The following DENND2C variants were observed in gnomAD, a reference collection of about 807,000 sequenced individuals.
The protein encoded by DENND2C is DENN domain containing 2C.
A neutral mutation model predicts 112.4 loss-of-function variants in DENND2C; 72 were observed. That is an observed-to-expected ratio of 0.64 (90% CI 0.53 to 0.78). DENND2C has a LOEUF of 0.78. Among genes scored for constraint, DENND2C ranks in the 30% least tolerant of loss-of-function variants. DENND2C has a pLI of 0.00. For synonymous variants in DENND2C, 329 were observed against 381.6 expected (o/e 0.86, Z 1.61); for missense variants, 992 against 1,113.8 (o/e 0.89, Z 1.56).
At chr1:114,655,242 T>C (rs1278690168) in intron 1 of DENND2C, among the ~76,000 whole-genome samples, 1 of 152,192 alleles carries the variant, frequency 6.6e-6, no homozygotes, top group Non-Finnish European at 1.5e-5. Flanking sequence ...TCTATATACC[T>C]TTCACTACAC....
At chr1:114,613,305 A>T (rs1217819832) in intron 8 of DENND2C, among the ~76,000 whole-genome samples, 3 of 152,222 alleles carry the variant, frequency 2.0e-5, no homozygotes, top group African/African-American at 7.2e-5. Flanking sequence ...TGTGTAGAAA[A>T]TGTATTTGCG....
At chr1:114,634,532 C>T (rs1656592338) in intron 3 of DENND2C, among the ~76,000 whole-genome samples, 2 of 151,982 alleles carry the variant, frequency 1.3e-5, no homozygotes, top group African/African-American at 2.4e-5. Flanking sequence ...CACCAATAGA[C>T]CATATGTTGG....
Position 114,583,948 on chromosome 1 carries a change from G to A in DENND2C, c.*1652C>T, listed in dbSNP as rs1654974350. The A allele has an allele frequency of 1.3e-5, 2 of 152,012 alleles. No individual in the cohort carries two copies. The highest frequency in any genetic ancestry group is 1.3e-4 in the Admixed American group (2 of 15,260). 9.4% of individuals were successfully genotyped at this position (152,012 alleles called of 1,614,324 possible). A position where few individuals can be genotyped will look rare whatever the true frequency, so the allele number is the denominator to read the frequency against. On this transcript the variant is annotated 3_prime_UTR_variant, in exon 21 of 21. Transcript: ENST00000393274. ...AGATATTAAAGGTCTGGATGACTAAGTGGTATATGTTCAAGGAATGTTCAT... is the reference window on the plus strand; with the variant it reads ...AGATATTAAAGGTCTGGATGACTAAATGGTATATGTTCAAGGAATGTTCAT...
chr1:114,594,384 G>T (rs1268992045), intron 18 of DENND2C, 89 bp downstream of exon 18: 1 of 1,074,404 alleles, frequency 9.3e-7, no homozygotes, highest in African/African-American at 1.6e-5. Context: ...ATGCTACTTT[G>T]GTATATCCTT....
In DENND2C at chr1:114,669,997, A is replaced by T; in HGVS notation, c.-588T>A. On this transcript the variant is annotated 5_prime_UTR_variant, in exon 1 of 21. It adds an upstream start codon to the 5' untranslated region. Coordinates refer to ENST00000393274, the MANE Select transcript of DENND2C (RefSeq NM_001256404.2). ...CCGACTCTTACCTGTCTGTACCTCAACGTTGTCTCCTGTGGCCAAGCTAGT... is the reference window on the plus strand; with the variant it reads ...CCGACTCTTACCTGTCTGTACCTCATCGTTGTCTCCTGTGGCCAAGCTAGT... The T allele has an allele frequency of 6.6e-6, 1 of 152,370 alleles. No homozygotes were observed. Among genetic ancestry groups the T allele is most frequent in the African/African-American group, 2.4e-5 (1 of 41,422 alleles). 9.4% of individuals were successfully genotyped at this position (152,370 alleles called of 1,614,324 possible).
At chr1:114,610,898 G>A (rs1655798430) in intron 9 of DENND2C, among the ~76,000 whole-genome samples, 175 bp downstream of exon 9, 1 of 152,120 alleles carries the variant, frequency 6.6e-6, no homozygotes, top group African/African-American at 2.4e-5. Context: ...ACATCTGACA[G>A]TGTTTAATTC....
At chr1:114,661,196 A>G (rs1164712177) in intron 1 of DENND2C, among the ~76,000 whole-genome samples, 1 of 152,048 alleles carries the variant, frequency 6.6e-6, no homozygotes, top group Non-Finnish European at 1.5e-5. Context: ...CAGCGACCCC[A>G]TCGATTTGGA....
intron 4 of DENND2C, among the ~76,000 whole-genome samples, chr1:114,624,175 T>C (rs1233781391): frequency 1.3e-5 from 2 of 152,234 alleles, no homozygotes. Context: ...GCCAATCACA[T>C]TCATGTTCTT....
At chr1:114,618,329 A>T in intron 8 of DENND2C, 57 bp downstream of exon 8, 1 of 1,283,894 alleles carries the variant, frequency 7.8e-7, no homozygotes, top group Non-Finnish European at 1.1e-6. Context: ...TTATATGGTG[A>T]TTCTCCTCTC....
chr1:114,663,984 G>A (rs182927554), intron 1 of DENND2C, among the ~76,000 whole-genome samples: 247 of 135,868 alleles, frequency 1.8e-3, no homozygotes, highest in African/African-American at 6.8e-3. Flanking sequence ...TGTCACCCAA[G>A]CTGGAGTGCA....
At chr1:114,628,136 T>A (rs1331248937) in intron 3 of DENND2C, among the ~76,000 whole-genome samples, 1 of 151,568 alleles carries the variant, frequency 6.6e-6, no homozygotes, top group Non-Finnish European at 1.5e-5. Flanking sequence ...TGAGACTTCA[T>A]CTCTACTAAA....
At chr1:114,622,176 C>T (rs1477106314) in intron 6 of DENND2C, 111 bp from the exon 7 acceptor site, 30 of 1,128,736 alleles carry the variant, frequency 2.7e-5, no homozygotes, top group South Asian at 2.0e-4. Context: ...TGCAGTGGCA[C>T]GATCATGGCT....
intron 6 of DENND2C, 101 bp downstream of exon 6, chr1:114,622,886 C>G: frequency 1.4e-6 from 1 of 728,630 alleles, no homozygotes; most frequent in Non-Finnish European, 2.0e-6. Context: ...ACTTACATTT[C>G]AGTGCCTCTT....
intron 2 of DENND2C, among the ~76,000 whole-genome samples, chr1:114,653,602 T>C (rs1025816281): frequency 3.3e-5 from 5 of 152,188 alleles, no homozygotes; most frequent in Admixed American, 2.6e-4. Context: ...ACAAGTTATT[T>C]ACTTTTTATT....
intron 3 of DENND2C, among the ~76,000 whole-genome samples, chr1:114,629,633 C>G (rs1161625483): frequency 1.3e-5 from 2 of 152,186 alleles, no homozygotes; most frequent in African/African-American, 4.8e-5. Context: ...GACTCTTAAT[C>G]ATGTCCCTTT....
intron 4 of DENND2C, among the ~76,000 whole-genome samples, chr1:114,624,013 G>T (rs868621757): frequency 6.6e-6 from 1 of 152,296 alleles, no homozygotes; most frequent in South Asian, 2.1e-4. Flanking sequence ...TAGGATTACA[G>T]AAAATTCTAA....
At chr1:114,650,782 A>G (rs543570431) in intron 2 of DENND2C, among the ~76,000 whole-genome samples, 114 of 152,334 alleles carry the variant, frequency 7.5e-4, no homozygotes, top group African/African-American at 2.6e-3. Flanking sequence ...TTCATTCTAA[A>G]GCTTAAAATC....
chr1:114,647,720 C>G (rs527926242), intron 2 of DENND2C, among the ~76,000 whole-genome samples: 2 of 152,048 alleles, frequency 1.3e-5, no homozygotes, highest in Admixed American at 1.3e-4. Flanking sequence ...TACGCCTGAC[C>G]TGTATAGCAT....
At position 114,611,127 on chromosome 1, in the gene DENND2C, G is replaced by C. The variant is rs1655804698; in HGVS notation, c.1325-10C>G. The C allele has an allele frequency of 4.3e-6, 7 of 1,614,012 alleles. No individual in the cohort carries two copies. Among genetic ancestry groups the C allele is most frequent in the Non-Finnish European group, 5.9e-6 (7 of 1,179,990 alleles). On this transcript the variant is annotated splice_polypyrimidine_tract_variant and intron_variant, in intron 8 of 20. Transcript: ENST00000393274. ...TTCCCACTGGTTTCACCTGAAAAGAGAGAAGGAGTTTCCATTTGTATTGTC... is the reference window on the plus strand; with the variant it reads ...TTCCCACTGGTTTCACCTGAAAAGACAGAAGGAGTTTCCATTTGTATTGTC...
Sources: gnomAD v4.1 joint callset for allele counts (sites outside exome capture counted in the v4.1 genomes callset) on GRCh38, gnomAD v4.1.1 for gene constraint, MANE v1.5 for transcripts, NCBI Gene and HGNC (gene_info 2026-07-23, HGNC 2026-07-21) for gene names.